Variants in YARS1 observed in about 807,000 individuals in gnomAD.
YARS1 encodes tyrosyl-tRNA synthetase 1.
In YARS1, 36 loss-of-function variants were observed where a neutral mutation model predicts 62.2. That is an observed-to-expected ratio of 0.58 (90% CI 0.44 to 0.76). YARS1 has a LOEUF of 0.76. YARS1 is among the 30% of genes least tolerant of loss of function. The probability of loss-of-function intolerance (pLI) is 0.00; values close to 1 mark genes in which losing one functional copy is unlikely to be tolerated. For synonymous variants in YARS1, 234 were observed against 244.9 expected (o/e 0.96, Z 0.42); for missense variants, 524 against 639.8 (o/e 0.82, Z 1.95).
intron 5 of YARS1, among the ~76,000 whole-genome samples, chr1:32,794,470 A>G (rs1653510347): frequency 6.6e-6 from 1 of 152,046 alleles, no homozygotes; most frequent in Non-Finnish European, 1.5e-5. Flanking sequence ...GTTTACTGCA[A>G]TCTCTGCCTC....
At chr1:32,809,174 C>A (rs1472350857) in intron 3 of YARS1, among the ~76,000 whole-genome samples, 1 of 152,004 alleles carries the variant, frequency 6.6e-6, no homozygotes, top group African/African-American at 2.4e-5. Flanking sequence ...GCAACCTCCA[C>A]CTCCTGGGTT....
intron 4 of YARS1, among the ~76,000 whole-genome samples, chr1:32,802,978 ATTT>A (rs34189200): frequency 1.6e-4 from 14 of 89,394 alleles, no homozygotes; most frequent in African/African-American, 2.2e-4. Context: ...ACGCCTGGCT[ATTT>A]TTTTTTTTTT....
At chr1:32,799,644 T>C (rs1325615232) in intron 4 of YARS1, among the ~76,000 whole-genome samples, 10 of 152,216 alleles carry the variant, frequency 6.6e-5, no homozygotes, top group African/African-American at 2.4e-4. Flanking sequence ...TCTGTGGTGA[T>C]GAATATATTA....
At chr1:32,803,059 T>G (rs1638343254) in intron 4 of YARS1, among the ~76,000 whole-genome samples, 1 of 149,630 alleles carries the variant, frequency 6.7e-6, no homozygotes, top group Non-Finnish European at 1.5e-5. Flanking sequence ...CTCGGCTTAC[T>G]GCAATCTCCA....
intron 12 of YARS1, 91 bp downstream of exon 12, chr1:32,779,291 G>C: frequency 6.2e-7 from 1 of 1,604,990 alleles, no homozygotes; most frequent in Non-Finnish European, 8.5e-7. Context: ...AGTCCCAACA[G>C]AGAGGGGCAG....
In YARS1 at chr1:32,776,364, C is replaced by T. The variant is rs560598063; in HGVS notation, c.1477-273G>A. 6.6e-5 allele frequency among the ~76,000 whole-genome samples: 10 copies of T among 152,082 alleles called. No individual in the cohort carries two copies. Among genetic ancestry groups the T allele is most frequent in the Non-Finnish European group, 1.2e-4 (8 of 68,016 alleles). On this transcript the variant is annotated intron_variant, in intron 12 of 12. Transcript: ENST00000373477. This position sits in a 1 kb window ranked among gnomAD's most constrained non-coding sequence, Gnocchi z 4.0. ...GTTTCTCCATGTTGGTCAGGCTGGT[C>T]TTGAACTCCTGACCTCAAGTGATCC...
At chr1:32,780,438 A>T in intron 10 of YARS1, 160 bp from the exon 11 acceptor site, 4 of 774,206 alleles carry the variant, frequency 5.2e-6, no homozygotes, top group Non-Finnish European at 8.6e-6. Context: ...AGCAGACAGG[A>T]GAATGGGCTC....
chr1:32,777,298 A>G (rs61798845), intron 12 of YARS1, among the ~76,000 whole-genome samples: 150,210 of 152,126 alleles, frequency 0.99, 74,188 homozygotes, highest in East Asian at 1. Flanking sequence ...CAAAGTGCTG[A>G]GATTACAGGC....
In YARS1 at chr1:32,810,649, T is replaced by C. The variant is rs1467446637; in HGVS notation, c.322A>G (p.Ile108Val). 2 of 1,613,828 alleles carry C rather than the reference T, an allele frequency of 1.2e-6. No homozygotes were observed. Among genetic ancestry groups the C allele is most frequent in the Non-Finnish European group, 8.5e-7 (1 of 1,180,040 alleles). The change falls in exon 3 of 13, where the codon ATT (isoleucine) becomes GTT (valine). Residue 108 changes from isoleucine (I) to valine (V), a missense_variant. Ile to Val is a conservative substitution (Grantham distance 29). Transcript: ENST00000373477. Reference sequence around the variant, plus strand: ...TTGAGCTTCTCCAAGGGCACACCAATGCTCTCCAGCATTGCTTTGATCACA... The same window carrying C: ...TTGAGCTTCTCCAAGGGCACACCAACGCTCTCCAGCATTGCTTTGATCACA... ...ENVIKAMLES[I>V]GVPLEKLKFI...
rs1250537747 is a variant in YARS1, at chr1:32,781,153, TGAG to T, written c.1043-11_1043-9del. 1 of 1,611,940 alleles carries T rather than the reference TGAG, an allele frequency of 6.2e-7. No individual in the cohort carries two copies. The highest frequency in any genetic ancestry group is 1.7e-5 in the Admixed American group (1 of 60,018). ...GGCCTTTGGCCATTGGCTCTGGGAA[TGAG>T]AAGAACCCCATGAGGTAGAATTCTT... On this transcript the variant is annotated splice_polypyrimidine_tract_variant and intron_variant, in intron 9 of 12. Transcript: ENST00000373477.
Position 32,817,264 on chromosome 1 carries a change from C to T in YARS1, c.-20G>A, listed in dbSNP as rs752335631. On this transcript the variant is annotated 5_prime_UTR_variant, in exon 1 of 13. Coordinates refer to ENST00000373477, the MANE Select transcript of YARS1 (RefSeq NM_003680.4). ...CCCCATGGCTCCGCTACCCCTGCTT[C>T]CCCCGCTCAGCCCGGCACCAGAGCC... is the stretch of plus-strand genomic sequence containing the variant. 1.2e-6 allele frequency: 2 copies of T among 1,613,726 alleles called. No homozygotes were observed. The highest frequency in any genetic ancestry group is 4.5e-5 in the East Asian group (2 of 44,890).
intron 12 of YARS1, among the ~76,000 whole-genome samples, chr1:32,778,736 C>CCTT (rs1557444534): frequency 8.3e-6 from 1 of 120,070 alleles, no homozygotes. Context: ...CTTTTCTTTT[C>CCTT]TTTTTTTTTT....
At chr1:32,796,965 C>CCAAAAAA (rs1553124342) in intron 5 of YARS1, among the ~76,000 whole-genome samples, 2 of 2,658 alleles carry the variant, frequency 7.5e-4, no homozygotes, top group African/African-American at 3.3e-3. Flanking sequence ...AACTCAGTCT[C>CCAAAAAA]AAAAAAAAAA....
chr1:32,781,018 C>A, intron 10 of YARS1, 30 bp downstream of exon 10: 1 of 1,605,170 alleles, frequency 6.2e-7, no homozygotes, highest in Admixed American at 1.7e-5. Flanking sequence ...CCCCAATCTG[C>A]CTCTCTGAGA....
chr1:32,779,310 TCAG>T, intron 12 of YARS1, 69 bp downstream of exon 12: 1 of 1,612,546 alleles, frequency 6.2e-7, no homozygotes, highest in Non-Finnish European at 8.5e-7. Context: ...AGCTATGGCT[TCAG>T]TAACAGGACA....
intron 4 of YARS1, among the ~76,000 whole-genome samples, chr1:32,799,377 T>TG (rs1653703669): frequency 6.6e-6 from 1 of 152,052 alleles, no homozygotes; most frequent in Admixed American, 6.6e-5. Flanking sequence ...TGTAGGAAGA[T>TG]CTCAACAGTA....
At chr1:32,798,692 C>T (rs749871389) in intron 4 of YARS1, among the ~76,000 whole-genome samples, 61 of 152,052 alleles carry the variant, frequency 4.0e-4, no homozygotes, top group African/African-American at 1.4e-3. Context: ...TGTGATGGTG[C>T]GCATCTATAG....
intron 6 of YARS1, among the ~76,000 whole-genome samples, chr1:32,788,622 G>T (rs1653315315): frequency 6.6e-6 from 1 of 151,880 alleles, no homozygotes; most frequent in Non-Finnish European, 1.5e-5. Context: ...GTAGAGACGG[G>T]GTTTCTCCAT....
intron 1 of YARS1, among the ~76,000 whole-genome samples, chr1:32,815,222 G>A (rs1172058421): frequency 1.3e-5 from 2 of 152,072 alleles, no homozygotes; most frequent in Non-Finnish European, 2.9e-5. Flanking sequence ...GGTGGTGCAC[G>A]TCTGTAATCC....
Sources: gnomAD v4.1 joint callset for allele counts (sites outside exome capture counted in the v4.1 genomes callset) on GRCh38, gnomAD v4.1.1 for gene constraint, Gnocchi (gnomAD v3.1) non-coding constraint, MANE v1.5 for transcripts, NCBI Gene and HGNC (gene_info 2026-07-23, HGNC 2026-07-21) for gene names.